The following KPNA1 variants were observed in gnomAD, a reference collection of about 807,000 sequenced individuals.
KPNA1 encodes karyopherin subunit alpha 1.
A neutral mutation model predicts 70.5 loss-of-function variants in KPNA1; 10 were observed. The ratio of observed to expected loss-of-function variants is 0.14; its 90% CI spans 0.09 to 0.24. The LOEUF (loss-of-function observed/expected upper bound fraction) is 0.24. Among genes scored for constraint, KPNA1 ranks in the 10% least tolerant of loss-of-function variants. KPNA1 has a pLI of 1.00. For synonymous variants in KPNA1, 192 were observed against 221.9 expected (o/e 0.87, Z 1.20); for missense variants, 397 against 637.9 (o/e 0.62, Z 4.07).
rs1332863032 is a variant in KPNA1 at position 122,496,589 on chromosome 3, G to A, written c.-5-19C>T. ...ATGATTTCTACAATACAAGTGGGGA[G>A]AGAACAAATGAGTTTACTGTGAAGA... On this transcript the variant is annotated intron_variant, in intron 1 of 13. Coordinates refer to ENST00000344337, the MANE Select transcript of KPNA1 (RefSeq NM_002264.4). 6.2e-7 allele frequency: 1 copy of A among 1,609,424 alleles called. No individual in the cohort carries two copies. Among genetic ancestry groups the A allele is most frequent in the Non-Finnish European group, 8.5e-7 (1 of 1,177,054 alleles).
intron 9 of KPNA1, among the ~76,000 whole-genome samples, chr3:122,447,349 G>A (rs2076151089): frequency 6.6e-6 from 1 of 152,180 alleles, no homozygotes; most frequent in African/African-American, 2.4e-5. Flanking sequence ...TCATCCCTGG[G>A]ATGCAAGGCT....
chr3:122,438,534 G>A (rs1016592780), intron 10 of KPNA1, among the ~76,000 whole-genome samples: 3 of 151,918 alleles, frequency 2.0e-5, no homozygotes, highest in African/African-American at 7.3e-5. Flanking sequence ...TTACAGGCAT[G>A]CGCCACCACG....
At chr3:122,480,439 TAAAAA>T (rs55762344) in intron 2 of KPNA1, among the ~76,000 whole-genome samples, 1 of 145,532 alleles carries the variant, frequency 6.9e-6, no homozygotes, top group Non-Finnish European at 1.5e-5. Flanking sequence ...CAAAAACTGC[TAAAAA>T]AAAAAAATTA....
chr3:122,500,117 G>T (rs7612058), intron 1 of KPNA1, among the ~76,000 whole-genome samples: 7,110 of 151,490 alleles, frequency 0.047, 225 homozygotes, highest in Non-Finnish European at 0.069. Flanking sequence ...CTGTTTTTTT[G>T]TTGTTGTTGT....
At position 122,467,911 on chromosome 3, in the gene KPNA1, T is replaced by C. The variant is rs574648542; in HGVS notation, c.130-482A>G. On this transcript the variant is annotated intron_variant, in intron 2 of 13. Coordinates refer to ENST00000344337, the MANE Select transcript of KPNA1 (RefSeq NM_002264.4). The stretch of plus-strand genomic sequence containing the variant: ...TCCAGCAACCAGTGGCAACAAATGA[T>C]GACTGCTTAAGCACTACCTTTAAAG... Among the ~76,000 whole-genome samples the C allele has an allele frequency of 6.6e-5, 10 of 152,338 alleles. No individual in the cohort carries two copies. The East Asian group carries it at 1.3e-3, about 21-fold the overall frequency.
At chr3:122,431,566 GT>G (rs781742832) in intron 12 of KPNA1, among the ~76,000 whole-genome samples, 19 of 152,164 alleles carry the variant, frequency 1.2e-4, no homozygotes, top group Non-Finnish European at 2.5e-4. Context: ...AAGTCAGTTT[GT>G]TTTTTGTAAT....
chr3:122,427,823 AAC>A, intron 12 of KPNA1, 107 bp from the exon 13 acceptor site: 3 of 671,378 alleles, frequency 4.5e-6, no homozygotes, highest in East Asian at 2.9e-5. Flanking sequence ...TAAAAAAAAA[AAC>A]AAAAAACAAG....
chr3:122,467,554 G>A, intron 2 of KPNA1, 125 bp from the exon 3 acceptor site: 1 of 547,782 alleles, frequency 1.8e-6, no homozygotes. Flanking sequence ...TTCTAAAGCT[G>A]TCAGCTTTTA....
chr3:122,472,661 A>C (rs769443252), intron 2 of KPNA1, among the ~76,000 whole-genome samples: 5 of 152,132 alleles, frequency 3.3e-5, no homozygotes, highest in Admixed American at 1.3e-4. Flanking sequence ...CTTTGAAAAG[A>C]CCAATTAAAT....
At chr3:122,448,129 G>A (rs2076160537) in intron 9 of KPNA1, among the ~76,000 whole-genome samples, 1 of 152,164 alleles carries the variant, frequency 6.6e-6, no homozygotes, top group Non-Finnish European at 1.5e-5. Context: ...GGAGAAATAG[G>A]AACACTCTTA....
At chr3:122,505,758 A>G (rs1159737412) in intron 1 of KPNA1, among the ~76,000 whole-genome samples, 1 of 152,168 alleles carries the variant, frequency 6.6e-6, no homozygotes, top group African/African-American at 2.4e-5. Context: ...TCAATTATCA[A>G]ATTTTGCTTA....
chr3:122,493,890 A>G (rs1056866720), intron 2 of KPNA1, among the ~76,000 whole-genome samples: 5 of 152,140 alleles, frequency 3.3e-5, no homozygotes, highest in African/African-American at 1.2e-4. Context: ...CAGCCTCATT[A>G]TAGTTTTAAC....
intron 2 of KPNA1, among the ~76,000 whole-genome samples, chr3:122,489,199 C>A (rs2107490095): frequency 6.6e-6 from 1 of 152,034 alleles, no homozygotes; most frequent in East Asian, 1.9e-4. Flanking sequence ...GCAATCAATC[C>A]CATTTGGGAA....
chr3:122,485,595 A>G (rs976954223), intron 2 of KPNA1, among the ~76,000 whole-genome samples: 6 of 152,226 alleles, frequency 3.9e-5, no homozygotes, highest in African/African-American at 1.4e-4. Flanking sequence ...AGCAAAAGAC[A>G]TATCTAGAAG....
rs185513316 is a variant in KPNA1 at position 122,452,425 on chromosome 3, C to G, written c.565-361G>C. ...TTGAGAGGCTGAGGCATGAGAACTG[C>G]TTGAACCTGACAGGCCAAGGTTGCA... On this transcript the variant is annotated intron_variant, in intron 6 of 13. Transcript: ENST00000344337. Among the ~76,000 whole-genome samples the G allele has an allele frequency of 4.7e-5, 7 of 150,520 alleles. No homozygotes were observed. In the East Asian group the frequency reaches 1.2e-3, roughly 25 times the overall value.
intron 12 of KPNA1, among the ~76,000 whole-genome samples, chr3:122,430,586 C>G (rs2075890622): frequency 7.1e-6 from 1 of 141,404 alleles, no homozygotes; most frequent in African/African-American, 2.6e-5. Flanking sequence ...TGTGTGGTTT[C>G]TCAGATAAAC....
chr3:122,468,084 G>T (rs770340059), intron 2 of KPNA1, among the ~76,000 whole-genome samples: 3 of 152,078 alleles, frequency 2.0e-5, no homozygotes, highest in Non-Finnish European at 4.4e-5. Flanking sequence ...CCTCTCTCAC[G>T]CTGAACAACT....
chr3:122,466,653 T>C lies in KPNA1; in HGVS notation c.237+669A>G, dbSNP rs1260483098. Among the ~76,000 whole-genome samples, 6 of 152,148 alleles carry C rather than the reference T, an allele frequency of 3.9e-5. No individual in the cohort carries two copies. The East Asian group carries it at 1.2e-3, about 29-fold the overall frequency. On this transcript the variant is annotated intron_variant, in intron 3 of 13. Coordinates refer to ENST00000344337, the MANE Select transcript of KPNA1 (RefSeq NM_002264.4). ...CCAAGAGTTCTGATGTGGAATCAAG[T>C]TTTTAAATCATACAAACAGGTCAAT...
intron 8 of KPNA1, among the ~76,000 whole-genome samples, chr3:122,450,144 C>A (rs1560026787): frequency 6.6e-6 from 1 of 152,020 alleles, no homozygotes; most frequent in African/African-American, 2.4e-5. Context: ...AAATTAAAAA[C>A]AACTACAAAA....
Sources: allele counts gnomAD v4.1 joint callset (sites outside exome capture counted in the v4.1 genomes callset), GRCh38; gene constraint gnomAD v4.1.1; transcripts MANE v1.5; gene names NCBI Gene and HGNC (gene_info 2026-07-23, HGNC 2026-07-21).